GCNT2: variants seen among roughly 807,000 people sequenced by gnomAD.
GCNT2 encodes the protein glucosaminyl (N-acetyl) transferase 2 (I blood group).
Under a neutral mutation model 34.2 loss-of-function variants are expected in GCNT2, and 34 were observed. The observed-to-expected ratio is 1.00, with a 90% CI of 0.76 to 1.32. The LOEUF (loss-of-function observed/expected upper bound fraction) is 1.32, where lower values mean the gene tolerates loss of function less well. GCNT2 is among the 40% of genes most tolerant of loss of function. The pLI, the probability that GCNT2 is intolerant of heterozygous loss-of-function variation, is 0.00. For missense variants in GCNT2, 584 were observed against 489.4 expected (o/e 1.19, Z -1.82); for synonymous variants, 212 against 188.0 (o/e 1.13, Z -1.04).
At chr6:10,585,938 C>A in intron 3 of GCNT2, 1 of 1,608,694 alleles carries the variant, frequency 6.2e-7, no homozygotes, top group Non-Finnish European at 8.5e-7. Flanking sequence ...TCACACCGAT[C>A]ATTTCTCATT....
At chr6:10,526,780 A>G (rs927696295) in intron 1 of GCNT2, among the ~76,000 whole-genome samples, 1 of 152,176 alleles carries the variant, frequency 6.6e-6, no homozygotes, top group South Asian at 2.1e-4. Context: ...ACGTGGAAAC[A>G]TTGTGTTTAG....
intron 3 of GCNT2, among the ~76,000 whole-genome samples, chr6:10,569,275 C>CACACACACA (rs1491437125): frequency 0.015 from 1,486 of 101,236 alleles, 103 homozygotes; most frequent in East Asian, 0.017. Flanking sequence ...ACACACACAC[C>CACACACACA]CCCTAGGTAA....
Position 10,572,225 on chromosome 6 carries a change from C to T in GCNT2, c.925+42389C>T, listed in dbSNP as rs76120732. On this transcript the variant is annotated intron_variant, in intron 3 of 4. Coordinates refer to ENST00000495262, the MANE Select transcript of GCNT2 (RefSeq NM_145649.5). ...AAAATATTTATGTTCCGCAGAACTG[C>T]ACTGATCAATAACCTGGAAAAAAAA... Among the ~76,000 whole-genome samples the T allele has an allele frequency of 4.4e-3, 666 of 152,146 alleles. 8 individuals are homozygous for T. Among genetic ancestry groups the T allele is most frequent in the African/African-American group, 0.015 (634 of 41,468 alleles).
chr6:10,550,715 T>TCA (rs2113634618), intron 3 of GCNT2, among the ~76,000 whole-genome samples: 1 of 152,020 alleles, frequency 6.6e-6, no homozygotes, highest in East Asian at 2.0e-4. Context: ...ACTCCTGGGC[T>TCA]CAAGTAATCC....
intron 3 of GCNT2, among the ~76,000 whole-genome samples, chr6:10,561,719 C>T (rs1246510061): frequency 2.6e-5 from 4 of 152,156 alleles, no homozygotes; most frequent in African/African-American, 9.7e-5. Context: ...GGAGTCTTTG[C>T]TCATTCATTA....
At chr6:10,601,057 G>A (rs945904216) in intron 3 of GCNT2, among the ~76,000 whole-genome samples, 7 of 152,176 alleles carry the variant, frequency 4.6e-5, no homozygotes, top group African/African-American at 1.4e-4. Flanking sequence ...CTCCCTAAGT[G>A]CTGGGATTAC....
intron 3 of GCNT2, chr6:10,585,939 ATTTC>A (rs778399429): frequency 9.4e-5 from 151 of 1,609,054 alleles, no homozygotes; most frequent in Non-Finnish European, 1.2e-4. Context: ...CACACCGATC[ATTTC>A]TCATTCCCTG....
At chr6:10,541,707 C>G (rs1280378129) in intron 3 of GCNT2, among the ~76,000 whole-genome samples, 1 of 152,102 alleles carries the variant, frequency 6.6e-6, no homozygotes, top group Admixed American at 6.5e-5. Context: ...GCAGGGAATT[C>G]AAGGGACTCT....
intron 3 of GCNT2, among the ~76,000 whole-genome samples, chr6:10,590,726 G>A (rs1172804170): frequency 6.6e-6 from 1 of 151,924 alleles, no homozygotes; most frequent in Non-Finnish European, 1.5e-5. Context: ...GCTAATTTTT[G>A]TATTTTTAGT....
rs137999232 is a variant in GCNT2, at chr6:10,570,599, C to T, written c.925+40763C>T. On this transcript the variant is annotated intron_variant, in intron 3 of 4. Transcript: ENST00000495262. The stretch of plus-strand genomic sequence containing the variant: ...CATTTTCTTTCTAGCCATCTCCTTC[C>T]TTAGACCCAATCTTCACATAACTCT... Among the ~76,000 whole-genome samples, 33 of 152,294 alleles carry T rather than the reference C, an allele frequency of 2.2e-4. No homozygotes were observed. The East Asian group carries it at 6.2e-3, about 28-fold the overall frequency.
intron 3 of GCNT2, among the ~76,000 whole-genome samples, chr6:10,546,519 C>T (rs1436261355): frequency 6.6e-6 from 1 of 151,974 alleles, no homozygotes; most frequent in East Asian, 1.9e-4. Context: ...ATTAGCCAGG[C>T]GTGGTGGCAG....
intron 3 of GCNT2, among the ~76,000 whole-genome samples, chr6:10,579,579 G>T (rs1420028245): frequency 1.3e-5 from 2 of 152,192 alleles, no homozygotes; most frequent in East Asian, 3.9e-4. Context: ...ACTTTGTGAG[G>T]CTGAGGCGGG....
At chr6:10,586,809 G>C (rs1302379687) in intron 3 of GCNT2, 2 of 1,613,880 alleles carry the variant, frequency 1.2e-6, no homozygotes, top group Non-Finnish European at 1.7e-6. Context: ...CAGAGACTTT[G>C]TCGACTTTGT....
At chr6:10,586,590 C>T (rs147898876) in intron 3 of GCNT2, 112 of 1,614,084 alleles carry the variant, frequency 6.9e-5, no homozygotes, top group Middle Eastern at 4.9e-4. Context: ...GAAAACCAAC[C>T]GGGAGATAGT....
chr6:10,577,854 T>C (rs1763890125), intron 3 of GCNT2, among the ~76,000 whole-genome samples: 1 of 152,074 alleles, frequency 6.6e-6, no homozygotes, highest in Non-Finnish European at 1.5e-5. Flanking sequence ...TGAATCCATT[T>C]AAAGCAAACG....
chr6:10,623,721 T>A (rs1249916400), intron 4 of GCNT2, among the ~76,000 whole-genome samples: 1 of 152,220 alleles, frequency 6.6e-6, no homozygotes, highest in Non-Finnish European at 1.5e-5. Flanking sequence ...TTTACTGTCT[T>A]TCTTCCCAGA....
At chr6:10,551,450 T>A (rs925898141) in intron 3 of GCNT2, among the ~76,000 whole-genome samples, 8 of 131,578 alleles carry the variant, frequency 6.1e-5, no homozygotes, top group Admixed American at 1.5e-4. Context: ...ATTATTAATT[T>A]ATTTTTTTTT....
chr6:10,552,275 G>A (rs1007271951), intron 3 of GCNT2, among the ~76,000 whole-genome samples: 4 of 150,368 alleles, frequency 2.7e-5, no homozygotes, highest in Admixed American at 2.0e-4. Context: ...CTTCCTTCAT[G>A]TTAGTATCAT....
chr6:10,532,964 G>A (rs926020552), intron 3 of GCNT2, among the ~76,000 whole-genome samples: 1 of 101,878 alleles, frequency 9.8e-6, no homozygotes, highest in African/African-American at 3.9e-5. Context: ...TTTTGAGATT[G>A]TTCCAATTCA....
Sources: gnomAD v4.1 joint callset for allele counts (sites outside exome capture counted in the v4.1 genomes callset) on GRCh38, gnomAD v4.1.1 for gene constraint, MANE v1.5 for transcripts, NCBI Gene and HGNC (gene_info 2026-07-23, HGNC 2026-07-21) for gene names.